Variants in ATP12A observed in about 807,000 individuals in gnomAD.
ATP12A encodes ATPase H+/K+ transporting non-gastric alpha2 subunit.
A neutral mutation model predicts 111.2 loss-of-function variants in ATP12A; 81 were observed. That is an observed-to-expected ratio of 0.73 (90% CI 0.61 to 0.88). The LOEUF is 0.88. Ranked by LOEUF, ATP12A falls within the 40% of genes least tolerant of loss-of-function variation. The pLI is 0.00. For synonymous variants in ATP12A, 498 were observed against 499.8 expected (o/e 1.00, Z 0.05); for missense variants, 1,196 against 1,313.1 (o/e 0.91, Z 1.38).
intron 17 of ATP12A, among the ~76,000 whole-genome samples, chr13:24,709,041 C>T (rs1430289108): frequency 2.0e-5 from 3 of 152,128 alleles, no homozygotes; most frequent in African/African-American, 4.8e-5. Flanking sequence ...GGAGGTGGGG[C>T]GCAATGATCT....
At chr13:24,681,062 T>A (rs1417472034) in intron 1 of ATP12A, among the ~76,000 whole-genome samples, 4 of 152,146 alleles carry the variant, frequency 2.6e-5, no homozygotes, top group Non-Finnish European at 5.9e-5. Context: ...TGGGGTGACA[T>A]GGATTCGTTG....
rs753000528 is a variant in ATP12A at position 24,690,708 on chromosome 13, A to C, written c.786A>C (p.Thr262=). 1 of 1,613,522 alleles carries C rather than the reference A, an allele frequency of 6.2e-7. No homozygotes were observed. The highest frequency in any genetic ancestry group is 8.5e-7 in the Non-Finnish European group (1 of 1,179,786). ...LETKNICFYS[T]TCLEGTVTGM... is the part of the protein sequence containing the mutation. ...CAAAGAACATCTGCTTCTATTCCAC[A>C]ACGTGTCTGGAAGGTAAAAGGCCTC... The change falls in exon 7 of 23, where the codon ACA becomes ACC. Residue 262 remains threonine, a synonymous_variant. Coordinates refer to ENST00000381946, the MANE Select transcript of ATP12A (RefSeq NM_001676.7).
chr13:24,710,401 A>G (rs1449395390), intron 19 of ATP12A, 59 bp from the exon 20 acceptor site: 52 of 1,596,716 alleles, frequency 3.3e-5, no homozygotes, highest in Admixed American at 1.0e-4. Flanking sequence ...ACTGCATTGG[A>G]ATTTCCTAGA....
intron 8 of ATP12A, 149 bp downstream of exon 8, chr13:24,691,399 T>C: frequency 1.9e-6 from 2 of 1,028,980 alleles, no homozygotes; most frequent in South Asian, 3.5e-5. Flanking sequence ...CTGCATAGAC[T>C]GTTCCTTACA....
intron 3 of ATP12A, among the ~76,000 whole-genome samples, chr13:24,686,224 A>G (rs1874658098): frequency 6.6e-6 from 1 of 150,470 alleles, no homozygotes. Flanking sequence ...AGATCACCTG[A>G]GGTCGGGAGT....
intron 18 of ATP12A, 35 bp from the exon 19 acceptor site, chr13:24,709,648 A>T (rs1566078748): frequency 1.2e-6 from 2 of 1,609,214 alleles, no homozygotes; most frequent in Non-Finnish European, 1.7e-6. Flanking sequence ...TGAGGCCATC[A>T]TAGAACCTGT....
In ATP12A at chr13:24,680,602, C is replaced by T; in HGVS notation, c.-142C>T. ...CGGCCGCGGAGGTGCGTGCAGGGCC[C>T]GCGCCGCCGCCGGTATCTCCACCGC... On this transcript the variant is annotated 5_prime_UTR_variant, in exon 1 of 23. Coordinates refer to ENST00000381946, the MANE Select transcript of ATP12A (RefSeq NM_001676.7). 3 of 1,012,766 alleles carry T rather than the reference C, an allele frequency of 3.0e-6. No homozygotes were observed. The highest frequency in any genetic ancestry group is 4.2e-6 in the Non-Finnish European group (3 of 720,436). The allele number at this position is 1,012,766 out of a possible 1,614,324, so 62.7% of individuals were successfully genotyped here.
intron 13 of ATP12A, among the ~76,000 whole-genome samples, chr13:24,701,611 C>T (rs1875401302): frequency 6.6e-6 from 1 of 152,044 alleles, no homozygotes; most frequent in African/African-American, 2.4e-5. Context: ...TTCATCATTA[C>T]TAGGTTAATA....
intron 12 of ATP12A, among the ~76,000 whole-genome samples, chr13:24,700,073 T>C (rs1031754548): frequency 1.2e-4 from 19 of 152,160 alleles, no homozygotes; most frequent in African/African-American, 4.3e-4. Context: ...TGAAAATAAA[T>C]TGGATGTGAA....
rs1382867399 is a variant in ATP12A, at chr13:24,692,401, C to T, written c.1069-28C>T. 1.9e-6 allele frequency: 3 copies of T among 1,607,280 alleles called. No individual in the cohort carries two copies. The African/African-American group carries it at 4.0e-5, about 21-fold the overall frequency. ...GACCTGAGTTCAAATGAGGATTTTT[C>T]CCAAAGCGTCCTTCCCTCTCCTGCT... On this transcript the variant is annotated intron_variant, in intron 8 of 22. Transcript: ENST00000381946.
intron 10 of ATP12A, among the ~76,000 whole-genome samples, chr13:24,693,135 T>C (rs1013210768): frequency 6.6e-6 from 1 of 152,356 alleles, no homozygotes; most frequent in South Asian, 2.1e-4. Context: ...ATTCTGGAAA[T>C]GAATGCACTT....
intron 10 of ATP12A, 123 bp from the exon 11 acceptor site, chr13:24,694,321 A>C (rs1303340884): frequency 3.1e-6 from 4 of 1,271,126 alleles, no homozygotes; most frequent in Non-Finnish European, 4.4e-6. Flanking sequence ...CTCCCTGATC[A>C]CGTGATAATG....
At position 24,681,726 on chromosome 13, in the gene ATP12A, T is replaced by C; in HGVS notation, c.168+6T>C. ...TTCAGAAAGAACTCCATCTGGTCAGTAGCCTTAAGCCACGGGGTCCTGCCG... is the reference window on the plus strand; with the variant it reads ...TTCAGAAAGAACTCCATCTGGTCAGCAGCCTTAAGCCACGGGGTCCTGCCG... On this transcript the variant is annotated splice_donor_region_variant and intron_variant, in intron 2 of 22. Transcript: ENST00000381946. 6.2e-7 allele frequency: 1 copy of C among 1,614,116 alleles called. No individual in the cohort carries two copies.
At chr13:24,687,133 AG>A (rs1462603726) in intron 3 of ATP12A, among the ~76,000 whole-genome samples, 1 of 152,100 alleles carries the variant, frequency 6.6e-6, no homozygotes, top group African/African-American at 2.4e-5. Context: ...TCACTACCAC[AG>A]AAAAAGCATG....
In ATP12A at chr13:24,707,022, G is replaced by A. The variant is rs1409147306; in HGVS notation, c.2170-1G>A. On this transcript the variant is annotated splice_acceptor_variant, in intron 15 of 22. Transcript: ENST00000381946. LOFTEE classifies it high-confidence loss of function. ...CTTTCTCCCTGGGTCCCCCGCCATA[G>A]GATGCTGTTGTTGCTGTGACCGGGG... The A allele has an allele frequency of 6.3e-7, 1 of 1,594,540 alleles. No individual in the cohort carries two copies. Among genetic ancestry groups the A allele is most frequent in the Non-Finnish European group, 8.6e-7 (1 of 1,168,756 alleles).
intron 21 of ATP12A, 68 bp from the exon 22 acceptor site, chr13:24,711,250 C>T (rs1875952686): frequency 2.2e-6 from 3 of 1,390,678 alleles, no homozygotes; most frequent in Admixed American, 4.1e-5. Flanking sequence ...AAGCCCCATT[C>T]CCATTGGGCA....
At chr13:24,710,626 C>T in intron 20 of ATP12A, 33 bp downstream of exon 20, 1 of 1,613,584 alleles carries the variant, frequency 6.2e-7, no homozygotes, top group Non-Finnish European at 8.5e-7. Flanking sequence ...TGGGGCAGCC[C>T]TGGGCCTGCC....
At chr13:24,694,678 C>T in intron 11 of ATP12A, 100 bp downstream of exon 11, 1 of 1,568,358 alleles carries the variant, frequency 6.4e-7, no homozygotes, top group African/African-American at 1.4e-5. Flanking sequence ...GGATACCTGG[C>T]TTCAAAGACA....
chr13:24,709,840 G>T lies in ATP12A; in HGVS notation c.2763+12G>T, dbSNP rs764434632. The stretch of plus-strand genomic sequence containing the variant: ...ATGGGCAGGAATGGGTGAGTGGCGG[G>T]AGCCCTGCTGCAGAGTCCACCTGAT... On this transcript the variant is annotated intron_variant, in intron 19 of 22. Coordinates refer to ENST00000381946, the MANE Select transcript of ATP12A (RefSeq NM_001676.7). 6 of 1,613,538 alleles carry T rather than the reference G, an allele frequency of 3.7e-6. No individual in the cohort carries two copies. In the Admixed American group the frequency reaches 6.7e-5, roughly 18 times the overall value.
Sources: allele counts gnomAD v4.1 joint callset (sites outside exome capture counted in the v4.1 genomes callset), GRCh38; gene constraint gnomAD v4.1.1; transcripts MANE v1.5; gene names NCBI Gene and HGNC (gene_info 2026-07-23, HGNC 2026-07-21).